The following RGMA variants were observed in gnomAD, a reference collection of about 807,000 sequenced individuals.
RGMA encodes the protein repulsive guidance molecule BMP co-receptor a.
A neutral mutation model predicts 23.2 loss-of-function variants in RGMA; 10 were observed. That is an observed-to-expected ratio of 0.43 (90% confidence interval 0.27 to 0.73). RGMA has a LOEUF of 0.73. Among genes scored for constraint, RGMA ranks in the 30% least tolerant of loss-of-function variants. The probability of loss-of-function intolerance (pLI) is 0.20; values close to 1 mark genes in which losing one functional copy is unlikely to be tolerated. For synonymous variants in RGMA, 308 were observed against 279.3 expected, an observed-to-expected ratio of 1.10 and a Z score of -1.03; for missense variants, 547 against 630.5, an observed-to-expected ratio of 0.87 and a Z score of 1.42.
chr15:93,082,085 G>A (rs1418038409), intron 1 of RGMA, among the ~76,000 whole-genome samples: 1 of 152,250 alleles, frequency 6.6e-6, no homozygotes, highest in Non-Finnish European at 1.5e-5. Context: ...GATTAAATGA[G>A]TCAATACAAT....
intron 3 of RGMA, among the ~76,000 whole-genome samples, chr15:93,049,202 C>G (rs1322030663): frequency 6.6e-6 from 1 of 152,206 alleles, no homozygotes; most frequent in Non-Finnish European, 1.5e-5. Flanking sequence ...CGAGGCAGAG[C>G]CCAGGCTGCA....
chr15:93,071,593 G>C (rs990946847), intron 2 of RGMA, among the ~76,000 whole-genome samples: 1 of 152,320 alleles, frequency 6.6e-6, no homozygotes, highest in East Asian at 1.9e-4. Context: ...GGCGCTGGGG[G>C]CCAGGAGCAG....
chr15:93,078,210 G>T lies in RGMA; in HGVS notation c.15-5179C>A, dbSNP rs74545857. Among the ~76,000 whole-genome samples the T allele has an allele frequency of 3.0e-3, 463 of 152,278 alleles. 2 individuals are homozygous for T. The highest frequency in any genetic ancestry group is 0.011 in the African/African-American group (441 of 41,558). On this transcript the variant is annotated intron_variant, in intron 1 of 3. Transcript: ENST00000329082. The stretch of plus-strand genomic sequence containing the variant: ...TTCCTTATTTTGCTGAAACTAGCTT[G>T]ATCTAGATTTCTCTAACAGATCCCT...
chr15:93,054,092 T>C (rs192569822), intron 2 of RGMA, among the ~76,000 whole-genome samples: 204 of 152,068 alleles, frequency 1.3e-3, no homozygotes, highest in African/African-American at 4.6e-3. Flanking sequence ...TAGCTGGGCA[T>C]GGTGGTGCGC....
intron 2 of RGMA, chr15:93,065,771 C>A: frequency 8.9e-7 from 1 of 1,120,314 alleles, no homozygotes; most frequent in Non-Finnish European, 1.3e-6. Context: ...CCGTCCCCAC[C>A]TTCCGTGGTA....
chr15:93,066,141 C>T (rs1895140814), intron 2 of RGMA: 1 of 1,356,826 alleles, frequency 7.4e-7, no homozygotes, highest in African/African-American at 1.4e-5. Context: ...CGGGCACCTC[C>T]CCGGGCCCAG....
intron 2 of RGMA, among the ~76,000 whole-genome samples, chr15:93,068,984 A>G (rs909018666): frequency 6.6e-6 from 1 of 152,238 alleles, no homozygotes; most frequent in African/African-American, 2.4e-5. Context: ...TCTGTCATGT[A>G]TAAGCCACCC....
rs1331636910 is a variant in RGMA, at chr15:93,072,973, G to T, written c.73C>A (p.Arg25Ser). 10 of 1,611,054 alleles carry T rather than the reference G, an allele frequency of 6.2e-6. No homozygotes were observed. Among genetic ancestry groups the T allele is most frequent in the Non-Finnish European group, 7.6e-6 (9 of 1,178,968 alleles). Reference protein sequence around the residue: ...GWMGMGRGAGRSALGFWPTLA... With the variant: ...GWMGMGRGAGSSALGFWPTLA... Reference sequence around the variant, plus strand: ...GTCGGCCAGAATCCCAGGGCTGAACGTCCTGCCCCTCTCCCCATACCCATC... The same window carrying T: ...GTCGGCCAGAATCCCAGGGCTGAACTTCCTGCCCCTCTCCCCATACCCATC... The change falls in exon 2 of 4, where the codon CGT (arginine) becomes AGT (serine). Residue 25 changes from arginine to serine, a missense_variant. Transcript: ENST00000329082.
chr15:93,043,960 G>C lies in RGMA; in HGVS notation c.*1038C>G, dbSNP rs999078269. ...AGCCAGCGGCAAGTCTCTCCTGGCT[G>C]TGTGGCCACAGGGCTTAAGGGAAGA... On this transcript the variant is annotated 3_prime_UTR_variant, in exon 4 of 4. Transcript: ENST00000329082. 4 of 152,690 alleles carry C rather than the reference G, an allele frequency of 2.6e-5. No homozygotes were observed. The highest frequency in any genetic ancestry group is 4.8e-5 in the African/African-American group (2 of 41,462). 9.5% of individuals were successfully genotyped at this position (152,690 alleles called of 1,614,324 possible).
Position 93,042,641 on chromosome 15 carries a change from T to C in RGMA, c.*2357A>G, listed in dbSNP as rs2141782589. The stretch of plus-strand genomic sequence containing the variant: ...GACAATACTAACCTAGGTGCACAGG[T>C]TGTCCTTCCCGTTGCTAAGGAGCCC... On this transcript the variant is annotated 3_prime_UTR_variant, in exon 4 of 4. Coordinates refer to ENST00000329082, the MANE Select transcript of RGMA (RefSeq NM_020211.3). 6.6e-6 allele frequency: 1 copy of C among 152,378 alleles called. No homozygotes were observed. The highest frequency in any genetic ancestry group is 3.4e-3 in the Middle Eastern group (1 of 294). 9.4% of individuals were successfully genotyped at this position (152,378 alleles called of 1,614,324 possible).
intron 2 of RGMA, among the ~76,000 whole-genome samples, chr15:93,062,531 G>C (rs1179308782): frequency 2.6e-5 from 4 of 152,310 alleles, no homozygotes; most frequent in African/African-American, 7.2e-5. Context: ...TTTGGGGCCA[G>C]ACACGGAAAC....
rs374694531 is a variant in RGMA at position 93,052,199 on chromosome 15, A to G, written c.439T>C (p.Tyr147His). The change falls in exon 3 of 4, where the codon TAC (tyrosine) becomes CAC (histidine). Residue 147 changes from tyrosine (Y) to histidine (H), a missense_variant. Tyr to His is a moderately conservative substitution (Grantham distance 83, BLOSUM62 2). Around this residue, in one of 3 missense-constraint regions of RGMA, gnomAD observed 214 missense variants for 234.7 expected, o/e 0.91. Transcript: ENST00000329082. ...GAGTGCTTGTGAAAGCTCTTCTCGT[A>G]ATGGCAGATCTCGGGGCTGTCCGAG... ...ERSDSPEICH[Y>H]EKSFHKHSAT... 1.2e-6 allele frequency: 2 copies of G among 1,610,962 alleles called. No homozygotes were observed. The highest frequency in any genetic ancestry group is 1.7e-5 in the Admixed American group (1 of 59,986).
intron 1 of RGMA, among the ~76,000 whole-genome samples, chr15:93,080,766 C>T (rs1895546513): frequency 6.6e-6 from 1 of 151,900 alleles, no homozygotes; most frequent in African/African-American, 2.4e-5. Context: ...TCTTTCACAC[C>T]TGTCCTTCTC....
At chr15:93,047,193 A>G (rs1372590894) in intron 3 of RGMA, among the ~76,000 whole-genome samples, 1 of 152,226 alleles carries the variant, frequency 6.6e-6, no homozygotes, top group Non-Finnish European at 1.5e-5. Context: ...CCAGGGGAGC[A>G]GGTGAGTTTC....
chr15:93,052,318 T>TC lies in RGMA; in HGVS notation c.319dup (p.Glu107GlyfsTer87). 1 of 1,604,258 alleles carries TC rather than the reference T, an allele frequency of 6.2e-7. No homozygotes were observed. Among genetic ancestry groups the TC allele is most frequent in the Non-Finnish European group, 8.5e-7 (1 of 1,179,312 alleles). On this transcript the variant is annotated frameshift_variant, in exon 3 of 4. Transcript: ENST00000329082. LOFTEE classifies it high-confidence loss of function. Reference sequence around the variant, plus strand: ...GCAGTTGTGCTGGCTCATGAGGTCCTCTATGCCATGGACGGCCGAGTGGTA... The same window carrying TC: ...GCAGTTGTGCTGGCTCATGAGGTCCTCCTATGCCATGGACGGCCGAGTGGTA...
chr15:93,067,266 T>C (rs866427003), intron 2 of RGMA, among the ~76,000 whole-genome samples: 1 of 151,316 alleles, frequency 6.6e-6, no homozygotes, highest in Non-Finnish European at 1.5e-5. Flanking sequence ...GGAAAAAAAC[T>C]TGAGTATCTG....
chr15:93,053,380 CAG>C (rs2054960526), intron 2 of RGMA, among the ~76,000 whole-genome samples: 1 of 152,192 alleles, frequency 6.6e-6, no homozygotes, highest in African/African-American at 2.4e-5. Context: ...TGCAGCAGGA[CAG>C]AAGTTCCTAC....
chr15:93,053,820 C>T (rs753759996), intron 2 of RGMA, among the ~76,000 whole-genome samples: 1 of 152,234 alleles, frequency 6.6e-6, no homozygotes, highest in Admixed American at 6.5e-5. Context: ...TGGGCTCCCC[C>T]CTTCACGTGA....
rs546188908 is a variant in RGMA, at chr15:93,041,842, C to G, written c.*3156G>C. The G allele has an allele frequency of 1.3e-5, 2 of 152,366 alleles. No individual in the cohort carries two copies. The highest frequency in any genetic ancestry group is 3.9e-4 in the East Asian group (2 of 5,182). 9.4% of individuals were successfully genotyped at this position (152,366 alleles called of 1,614,324 possible). A position where few individuals can be genotyped will look rare whatever the true frequency, so the allele number is the denominator to read the frequency against. On this transcript the variant is annotated 3_prime_UTR_variant, in exon 4 of 4. Transcript: ENST00000329082. ...CCAACTCCCGTGTTCTCTCTGGGAGCCCTGCAAGAACAGGGCTTTAGAACG... is the reference window on the plus strand; with the variant it reads ...CCAACTCCCGTGTTCTCTCTGGGAGGCCTGCAAGAACAGGGCTTTAGAACG...
Sources: gnomAD v4.1 joint callset for allele counts (sites outside exome capture counted in the v4.1 genomes callset) on GRCh38, gnomAD v4.1.1 for gene constraint, gnomAD v4.1.1 regional missense constraint, MANE v1.5 for transcripts, NCBI Gene and HGNC (gene_info 2026-07-23, HGNC 2026-07-21) for gene names.